MDM4: variants seen among roughly 807,000 people sequenced by gnomAD.
MDM4 encodes the protein MDM4 regulator of p53.
MDM4 carries 2 observed loss-of-function variants against 60.2 expected under a neutral mutation model. The observed-to-expected ratio is 0.03, with a 90% CI of 0.01 to 0.10. The LOEUF is 0.10. MDM4 is among the 10% of genes least tolerant of loss of function. The pLI, the probability that MDM4 is intolerant of heterozygous loss-of-function variation, is 1.00. For missense variants in MDM4, 447 were observed against 577.5 expected, an observed-to-expected ratio of 0.77 and a Z score of 2.32; for synonymous variants, 202 against 198.1, an observed-to-expected ratio of 1.02 and a Z score of -0.17.
rs927914693 is a variant in MDM4, at chr1:204,529,703, C to T, written c.154-981C>T. The T allele has an allele frequency of 2.8e-5, 15 of 541,854 alleles. No homozygotes were observed. The African/African-American group carries it at 2.9e-4, about 10-fold the overall frequency. The allele number at this position is 541,854 out of a possible 1,614,324, so 33.6% of individuals were successfully genotyped here. ...ATACAGATAGCTGGCTGTGGCAATT[C>T]TGACGTCACACACAGGCAAGGGGTA... On this transcript the variant is annotated intron_variant, in intron 3 of 10. Coordinates refer to ENST00000367182, the MANE Select transcript of MDM4 (RefSeq NM_002393.5).
In MDM4 at chr1:204,557,287, A is replaced by C. The variant is rs1663593584; in HGVS notation, c.*7605A>C. On this transcript the variant is annotated 3_prime_UTR_variant, in exon 11 of 11. Transcript: ENST00000367182. ...TTCTAGTTTAGGTATTCTTTCTTTG[A>C]TATGAGGCTCTTGACCAGAAAAGAG... The C allele has an allele frequency of 5.3e-6, 1 of 190,442 alleles. No homozygotes were observed. Among genetic ancestry groups the C allele is most frequent in the Non-Finnish European group, 1.1e-5 (1 of 90,886 alleles). The allele number at this position is 190,442 out of a possible 1,614,324, so 11.8% of individuals were successfully genotyped here.
rs2102427856 is a variant in MDM4 at position 204,544,519 on chromosome 1, G to T, written c.673-16G>T. 6.3e-7 allele frequency: 1 copy of T among 1,588,898 alleles called. No homozygotes were observed. The highest frequency in any genetic ancestry group is 1.1e-5 in the South Asian group (1 of 89,068). On this transcript the variant is annotated splice_polypyrimidine_tract_variant and intron_variant, in intron 8 of 10. Transcript: ENST00000367182. Reference sequence around the variant, plus strand: ...CCTCTGAATACAGAAACTCATGTTTGTTTTTTTTCTGTTAGGATGTGGGTA... The same window carrying T: ...CCTCTGAATACAGAAACTCATGTTTTTTTTTTTTCTGTTAGGATGTGGGTA...
intron 1 of MDM4, among the ~76,000 whole-genome samples, chr1:204,520,501 A>T (rs1349396070): frequency 6.6e-6 from 1 of 152,136 alleles, no homozygotes. Context: ...GATGATTATT[A>T]TTGCAGGAAG....
chr1:204,542,993 A>G (rs1238935209), intron 8 of MDM4, 49 bp downstream of exon 8: 1 of 1,480,098 alleles, frequency 6.8e-7, no homozygotes, highest in Admixed American at 1.8e-5. Flanking sequence ...TTGAAAGGGT[A>G]ACATTCTTGG....
chr1:204,522,829 CT>C (rs1659698339), intron 1 of MDM4, among the ~76,000 whole-genome samples: 1 of 150,052 alleles, frequency 6.7e-6, no homozygotes, highest in Admixed American at 6.7e-5. Context: ...CATGAGGGAT[CT>C]TGTTATCTTC....
Position 204,552,495 on chromosome 1 carries a change from G to A in MDM4, c.*2813G>A, listed in dbSNP as rs1045033587. 3.2e-5 allele frequency: 5 copies of A among 154,578 alleles called. No homozygotes were observed. 9.6% of individuals were successfully genotyped at this position (154,578 alleles called of 1,614,324 possible). On this transcript the variant is annotated 3_prime_UTR_variant, in exon 11 of 11. Coordinates refer to ENST00000367182, the MANE Select transcript of MDM4 (RefSeq NM_002393.5). Reference sequence around the variant, plus strand: ...ATACCACCATGCCTGGCTAATTTTTGTATTTTTAGTAGAGATGGGGGTTTC... The same window carrying A: ...ATACCACCATGCCTGGCTAATTTTTATATTTTTAGTAGAGATGGGGGTTTC...
At position 204,557,877 on chromosome 1, in the gene MDM4, G is replaced by A. The variant is rs1663633862; in HGVS notation, c.*8195G>A. The A allele has an allele frequency of 1.6e-5, 3 of 185,714 alleles. No homozygotes were observed. The allele number at this position is 185,714 out of a possible 1,614,324, so 11.5% of individuals were successfully genotyped here. A position where few individuals can be genotyped will look rare whatever the true frequency, so the allele number is the denominator to read the frequency against. On this transcript the variant is annotated 3_prime_UTR_variant, in exon 11 of 11. Transcript: ENST00000367182. ...AAATAACTTTTTGGGAGACTGAATT[G>A]AGTAATAATAAAACTTCAGTCTTTC...
intron 5 of MDM4, among the ~76,000 whole-genome samples, chr1:204,536,598 A>G (rs1661452696): frequency 6.6e-6 from 1 of 152,210 alleles, no homozygotes; most frequent in Non-Finnish European, 1.5e-5. Flanking sequence ...GCCTCAAATA[A>G]TGAATAGTCC....
intron 4 of MDM4, 59 bp downstream of exon 4, chr1:204,530,876 C>A (rs1312816755): frequency 1.9e-6 from 3 of 1,603,676 alleles, no homozygotes; most frequent in Non-Finnish European, 1.7e-6. Context: ...CACTTAATTT[C>A]TATGGGTTAT....
intron 8 of MDM4, 109 bp downstream of exon 8, chr1:204,543,053 T>C: frequency 1.1e-6 from 1 of 949,488 alleles, no homozygotes; most frequent in South Asian, 1.7e-5. Flanking sequence ...TTTACTCCTA[T>C]GGCGTTAAAT....
At chr1:204,518,115 T>C (rs1460047170) in intron 1 of MDM4, among the ~76,000 whole-genome samples, 1 of 152,210 alleles carries the variant, frequency 6.6e-6, no homozygotes, top group East Asian at 1.9e-4. Context: ...GGGATGGAGC[T>C]ACTGCACTCT....
In MDM4 at chr1:204,553,352, G is replaced by A. The variant is rs1663358056; in HGVS notation, c.*3670G>A. ...TTTACCTTTTAGCTGTAGTTATTGG[G>A]ACCATGTGCTCTGGTTTTCTGGAGA... On this transcript the variant is annotated 3_prime_UTR_variant, in exon 11 of 11. Transcript: ENST00000367182. The A allele has an allele frequency of 4.5e-6, 1 of 223,312 alleles. No homozygotes were observed. The highest frequency in any genetic ancestry group is 8.9e-6 in the Non-Finnish European group (1 of 111,732). 13.8% of individuals were successfully genotyped at this position (223,312 alleles called of 1,614,324 possible).
At position 204,542,776 on chromosome 1, in the gene MDM4, T is replaced by C. The variant is rs1482668209; in HGVS notation, c.512-8T>C. On this transcript the variant is annotated splice_region_variant and splice_polypyrimidine_tract_variant and intron_variant, in intron 7 of 10. Transcript: ENST00000367182. ...ATAGTTATCATTCTTTTCATTTGAC[T>C]TCTATAGATGAAGACTTAATTGAAA... 2.2e-5 allele frequency: 35 copies of C among 1,602,216 alleles called. No individual in the cohort carries two copies. Among genetic ancestry groups the C allele is most frequent in the Non-Finnish European group, 2.9e-5 (34 of 1,172,812 alleles).
At chr1:204,518,832 A>G (rs911198587) in intron 1 of MDM4, among the ~76,000 whole-genome samples, 3 of 152,058 alleles carry the variant, frequency 2.0e-5, no homozygotes, top group African/African-American at 7.2e-5. Context: ...CGCCCAGCTA[A>G]TTTTTGTATT....
chr1:204,539,699 G>C (rs775019903), intron 7 of MDM4, among the ~76,000 whole-genome samples: 65 of 151,892 alleles, frequency 4.3e-4, no homozygotes, highest in Non-Finnish European at 6.6e-4. Context: ...ACTACGCCCA[G>C]CTAATTTTTG....
chr1:204,537,713 G>A, intron 6 of MDM4: 1 of 606,080 alleles, frequency 1.6e-6, no homozygotes, highest in Non-Finnish European at 2.9e-6. Flanking sequence ...TAGCACTTCT[G>A]ATCTTCAGTT....
In MDM4 at chr1:204,530,616, T is replaced by G. The variant is rs1660767092; in HGVS notation, c.154-68T>G. The G allele has an allele frequency of 3.2e-6, 5 of 1,566,176 alleles. No individual in the cohort carries two copies. In the South Asian group the frequency reaches 4.5e-5, roughly 14 times the overall value. On this transcript the variant is annotated intron_variant, in intron 3 of 10. Coordinates refer to ENST00000367182, the MANE Select transcript of MDM4 (RefSeq NM_002393.5). ...CTTTAGCAAACTAACTTACCTTACCTCCTCTAATGAATTTGTGTTTTTGGT... is the reference window on the plus strand; with the variant it reads ...CTTTAGCAAACTAACTTACCTTACCGCCTCTAATGAATTTGTGTTTTTGGT...
At chr1:204,544,782 A>G (rs2102429802) in intron 9 of MDM4, 98 bp downstream of exon 9, 4 of 1,083,528 alleles carry the variant, frequency 3.7e-6, no homozygotes, top group South Asian at 1.9e-5. Flanking sequence ...GATTGCTCAC[A>G]TAATCCCCTT....
intron 8 of MDM4, 115 bp from the exon 9 acceptor site, chr1:204,544,420 G>A (rs1662443310): frequency 1.0e-6 from 1 of 987,666 alleles, no homozygotes; most frequent in Non-Finnish European, 1.5e-6. Flanking sequence ...ATAAAGGCAA[G>A]ATGTTCTTTG....
Sources: gnomAD v4.1 joint callset for allele counts (sites outside exome capture counted in the v4.1 genomes callset) on GRCh38, gnomAD v4.1.1 for gene constraint, MANE v1.5 for transcripts, NCBI Gene and HGNC (gene_info 2026-07-23, HGNC 2026-07-21) for gene names.